Variants in AGBL1 observed in about 807,000 individuals in gnomAD.
AGBL1 encodes the protein cytosolic carboxypeptidase 4.
A neutral mutation model predicts 118.9 loss-of-function variants in AGBL1; 130 were observed. The observed-to-expected ratio is 1.09, with a 90% CI of 0.95 to 1.26. The LOEUF (loss-of-function observed/expected upper bound fraction) is 1.26. AGBL1 is among the 50% of genes most tolerant of loss of function. AGBL1 has a pLI of 0.00. For missense variants in AGBL1, 1,584 were observed against 1,298.1 expected, an observed-to-expected ratio of 1.22 and a Z score of -3.38; for synonymous variants, 555 against 478.9, an observed-to-expected ratio of 1.16 and a Z score of -2.08.
chr15:86,203,085 A>C lies in AGBL1; in HGVS notation c.489-21829A>C, dbSNP rs115609601. On this transcript the variant is annotated intron_variant, in intron 5 of 22. Transcript: ENST00000614907. ...AGTGACAAAAAGAAATCTGTCTCTGAAAATAAAAAGAATAATGATAGTGAT... is the reference window on the plus strand; with the variant it reads ...AGTGACAAAAAGAAATCTGTCTCTGCAAATAAAAAGAATAATGATAGTGAT... 8.7e-3 allele frequency among the ~76,000 whole-genome samples: 1,329 copies of C among 152,214 alleles called. 16 individuals are homozygous for C. Among genetic ancestry groups the C allele is most frequent in the African/African-American group, 0.031 (1,288 of 41,534 alleles).
intron 5 of AGBL1, among the ~76,000 whole-genome samples, chr15:86,171,790 C>T (rs1325300074): frequency 6.6e-6 from 1 of 152,064 alleles, no homozygotes; most frequent in Non-Finnish European, 1.5e-5. Flanking sequence ...AGAACCAGCC[C>T]AAATGCCCAC....
chr15:86,944,515 G>A (rs768895687), intron 23 of AGBL1, among the ~76,000 whole-genome samples: 4 of 152,166 alleles, frequency 2.6e-5, no homozygotes, highest in Non-Finnish European at 2.9e-5. Context: ...TGATGATAGA[G>A]AGACAGAACA....
chr15:86,788,713 C>T (rs527814104), intron 22 of AGBL1, among the ~76,000 whole-genome samples: 1 of 152,188 alleles, frequency 6.6e-6, no homozygotes, highest in South Asian at 2.1e-4. Flanking sequence ...TTGTGCTGAA[C>T]AGTTTTATAA....
chr15:86,462,228 T>A (rs867856731), intron 18 of AGBL1, among the ~76,000 whole-genome samples: 1 of 152,094 alleles, frequency 6.6e-6, no homozygotes, highest in Admixed American at 6.6e-5. Context: ...TGGGGATTAA[T>A]TGAGATAACC....
chr15:86,935,713 T>G (rs1488582305), intron 23 of AGBL1, among the ~76,000 whole-genome samples: 1 of 152,142 alleles, frequency 6.6e-6, no homozygotes, highest in East Asian at 1.9e-4. Flanking sequence ...CAAGTCTGAC[T>G]AAAAATGAAA....
intron 23 of AGBL1, among the ~76,000 whole-genome samples, chr15:86,967,899 G>A (rs905582309): frequency 2.6e-5 from 4 of 151,916 alleles, no homozygotes; most frequent in African/African-American, 9.7e-5. Context: ...GGCATTGAAT[G>A]TATAAATTAC....
downstream of AGBL1, among the ~76,000 whole-genome samples, chr15:86,920,605 G>A (rs540558826): frequency 6.6e-6 from 1 of 152,174 alleles, no homozygotes; most frequent in Non-Finnish European, 1.5e-5. Context: ...GTTATGTAAT[G>A]CTCTCTCCAA....
chr15:86,173,275 G>A (rs1266967810), intron 5 of AGBL1: 2 of 151,904 alleles, frequency 1.3e-5, no homozygotes, highest in Non-Finnish European at 2.9e-5. Flanking sequence ...AGAAACCTTT[G>A]TCTACTTTTT....
At chr15:86,887,478 A>T (rs540367414) in intron 22 of AGBL1, among the ~76,000 whole-genome samples, 1 of 152,288 alleles carries the variant, frequency 6.6e-6, no homozygotes, top group East Asian at 1.9e-4. Context: ...TTGTTTAAGC[A>T]TCTCTCTCAA....
chr15:86,112,192 C>A (rs1953258178), intron 1 of AGBL1, among the ~76,000 whole-genome samples: 1 of 151,942 alleles, frequency 6.6e-6, no homozygotes, highest in Admixed American at 6.6e-5. Context: ...CCACAACTAC[C>A]ACCCCACACC....
intron 19 of AGBL1, among the ~76,000 whole-genome samples, chr15:86,530,788 A>G (rs1285138411): frequency 7.4e-6 from 1 of 134,636 alleles, no homozygotes; most frequent in Admixed American, 7.2e-5. Context: ...TCAAACTAGA[A>G]CTCAGGATTA....
At chr15:86,717,906 C>T (rs770484107) in intron 22 of AGBL1, among the ~76,000 whole-genome samples, 12 of 151,998 alleles carry the variant, frequency 7.9e-5, no homozygotes, top group Non-Finnish European at 1.5e-4. Flanking sequence ...GGTGAAACCC[C>T]GTCTCTACTA....
At chr15:86,838,764 AC>A (rs762369393) in intron 22 of AGBL1, among the ~76,000 whole-genome samples, 5 of 151,486 alleles carry the variant, frequency 3.3e-5, no homozygotes, top group Non-Finnish European at 5.9e-5. Flanking sequence ...ACATAGTGAG[AC>A]CTCATCCCTA....
chr15:86,171,633 C>G (rs555314957), intron 5 of AGBL1, among the ~76,000 whole-genome samples: 1 of 152,082 alleles, frequency 6.6e-6, no homozygotes, highest in African/African-American at 2.4e-5. Flanking sequence ...TAGACTTAAA[C>G]CTAACCATAA....
chr15:87,030,581 T>TAGAG (rs2081774365), downstream of AGBL1, among the ~76,000 whole-genome samples: 1 of 151,846 alleles, frequency 6.6e-6, no homozygotes, highest in South Asian at 2.1e-4. Context: ...AAGGAAAGAG[T>TAGAG]AGAGAAAATG....
intron 16 of AGBL1, among the ~76,000 whole-genome samples, chr15:86,288,954 T>C (rs2079500669): frequency 6.6e-6 from 1 of 152,192 alleles, no homozygotes; most frequent in Non-Finnish European, 1.5e-5. Flanking sequence ...TCCCATTTAA[T>C]GCACTTGATC....
At chr15:86,377,681 A>C (rs1398854001) in intron 17 of AGBL1, among the ~76,000 whole-genome samples, 1 of 152,158 alleles carries the variant, frequency 6.6e-6, no homozygotes, top group African/African-American at 2.4e-5. Flanking sequence ...GGCAGCTTTA[A>C]GTTACCATGT....
chr15:86,811,971 G>T (rs1567185284), intron 22 of AGBL1, among the ~76,000 whole-genome samples: 1 of 152,144 alleles, frequency 6.6e-6, no homozygotes, highest in Non-Finnish European at 1.5e-5. Context: ...ATAGAAAAAT[G>T]CCTATCTCAC....
chr15:86,280,503 C>A lies in AGBL1; in HGVS notation c.2220+720C>A, dbSNP rs1024450182. 2.7e-4 allele frequency among the ~76,000 whole-genome samples: 41 copies of A among 152,286 alleles called. 1 individual carries two copies. The highest frequency in any genetic ancestry group is 1.2e-3 in the Admixed American group (19 of 15,292). On this transcript the variant is annotated intron_variant, in intron 16 of 22. Coordinates refer to ENST00000614907, the MANE Select transcript of AGBL1 (RefSeq NM_001386094.1). The stretch of plus-strand genomic sequence containing the variant: ...GCTTTCTGTCATTTGAAAAAGCTGG[C>A]AAACTAACCCTTACTGCTACCATTT...
Sources: gnomAD v4.1 joint callset for allele counts (sites outside exome capture counted in the v4.1 genomes callset) on GRCh38, gnomAD v4.1.1 for gene constraint, MANE v1.5 for transcripts, NCBI Gene and HGNC (gene_info 2026-07-23, HGNC 2026-07-21) for gene names.